Variants in CNTNAP2 observed in about 807,000 individuals in gnomAD.
CNTNAP2 encodes contactin-associated protein-like 2.
Under a neutral mutation model 155.2 loss-of-function variants are expected in CNTNAP2, and 98 were observed. The ratio of observed to expected loss-of-function variants is 0.63; its 90% CI spans 0.54 to 0.75. CNTNAP2 has a LOEUF of 0.75. Ranked by LOEUF, CNTNAP2 falls within the 30% of genes least tolerant of loss-of-function variation. The pLI is 0.00. For synonymous variants in CNTNAP2, 651 were observed against 631.2 expected (o/e 1.03, Z -0.47); for missense variants, 1,727 against 1,688.1 (o/e 1.02, Z -0.40).
chr7:147,931,996 C>T (rs1363450017), intron 14 of CNTNAP2, among the ~76,000 whole-genome samples: 1 of 152,100 alleles, frequency 6.6e-6, no homozygotes, highest in East Asian at 1.9e-4. Context: ...GGCGATCCTC[C>T]TGCCTCAGCC....
intron 10 of CNTNAP2, among the ~76,000 whole-genome samples, chr7:147,438,764 T>G (rs1299495391): frequency 2.0e-5 from 3 of 152,040 alleles, no homozygotes; most frequent in Non-Finnish European, 4.4e-5. Context: ...TCAGTTTCAT[T>G]ACTTGTTACT....
chr7:146,763,056 G>A (rs184357261), intron 1 of CNTNAP2, among the ~76,000 whole-genome samples: 1 of 152,118 alleles, frequency 6.6e-6, no homozygotes, highest in East Asian at 1.9e-4. Flanking sequence ...TGCGATTTGG[G>A]TTGGGACACT....
At chr7:146,912,271 G>A (rs1366823120) in intron 3 of CNTNAP2, among the ~76,000 whole-genome samples, 1 of 149,948 alleles carries the variant, frequency 6.7e-6, no homozygotes. Context: ...AAAAATACAT[G>A]TAACCACAGT....
At chr7:146,477,946 A>C (rs974322430) in intron 1 of CNTNAP2, among the ~76,000 whole-genome samples, 1 of 152,158 alleles carries the variant, frequency 6.6e-6, no homozygotes, top group African/African-American at 2.4e-5. Flanking sequence ...ACGGCCCCTC[A>C]TAACACAAAA....
chr7:146,165,891 T>A (rs1798305589), intron 1 of CNTNAP2, among the ~76,000 whole-genome samples: 1 of 152,204 alleles, frequency 6.6e-6, no homozygotes, highest in African/African-American at 2.4e-5. Flanking sequence ...TTTAATGGTA[T>A]ATCAACCCTT....
intron 4 of CNTNAP2, among the ~76,000 whole-genome samples, chr7:147,049,995 TACTTCCTG>T (rs1321682299): frequency 1.3e-5 from 2 of 152,218 alleles, no homozygotes; most frequent in Admixed American, 1.3e-4. Context: ...CTATTGTTCC[TACTTCCTG>T]ACTTGTCTTG....
chr7:147,342,338 A>G (rs1023178903), intron 9 of CNTNAP2, among the ~76,000 whole-genome samples: 3 of 127,268 alleles, frequency 2.4e-5, no homozygotes, highest in Non-Finnish European at 5.3e-5. Flanking sequence ...TCTTTGATCA[A>G]AGAAAAAATA....
At chr7:146,288,793 A>ATTTTTTTTTTTTTTT (rs757136036) in intron 1 of CNTNAP2, among the ~76,000 whole-genome samples, 2 of 100,016 alleles carry the variant, frequency 2.0e-5, no homozygotes, top group Non-Finnish European at 3.7e-5. Context: ...AAAATTAGTA[A>ATTTTTTTTTTTTTTT]TTTTTTTTTT....
chr7:147,564,705 G>A (rs1800133849), intron 12 of CNTNAP2, among the ~76,000 whole-genome samples: 1 of 152,162 alleles, frequency 6.6e-6, no homozygotes, highest in African/African-American at 2.4e-5. Context: ...CTTCTCCTGT[G>A]CATTGAACCC....
chr7:148,330,034 AATGGATGAAAGACATGGAAGGAATGT>A (rs1797957919), intron 21 of CNTNAP2, among the ~76,000 whole-genome samples: 1 of 152,222 alleles, frequency 6.6e-6, no homozygotes, highest in Admixed American at 6.5e-5. Flanking sequence ...TTGAGACACA[AATGGATGAAAGACATGGAAGGAATGT>A]ATGGATGGAA....
intron 16 of CNTNAP2, among the ~76,000 whole-genome samples, chr7:148,129,183 G>A (rs765080326): frequency 1.3e-5 from 2 of 152,144 alleles, no homozygotes; most frequent in Non-Finnish European, 2.9e-5. Context: ...CCTCACTAGA[G>A]ATCTGGTGTC....
chr7:147,309,738 A>C (rs1393475228), intron 9 of CNTNAP2, among the ~76,000 whole-genome samples: 1 of 152,068 alleles, frequency 6.6e-6, no homozygotes. Context: ...CACTTTTTTT[A>C]ACTTTTATTT....
Position 146,806,681 on chromosome 7 carries a change from C to T in CNTNAP2, c.208+32300C>T, listed in dbSNP as rs181961556. 2.4e-4 allele frequency among the ~76,000 whole-genome samples: 37 copies of T among 152,224 alleles called. No individual in the cohort carries two copies. The East Asian group carries it at 7.1e-3, about 29-fold the overall frequency. On this transcript the variant is annotated intron_variant, in intron 2 of 23. Transcript: ENST00000361727. ...GTTCTCAAGTTTGATTTTATCTAAT[C>T]TATAGAGAGTTGGTATTCTGCCATG... is the stretch of plus-strand genomic sequence containing the variant.
intron 13 of CNTNAP2, among the ~76,000 whole-genome samples, chr7:147,859,605 G>C (rs559184104): frequency 5.3e-4 from 80 of 152,212 alleles, no homozygotes; most frequent in African/African-American, 1.8e-3. Flanking sequence ...CTAGAGTTCA[G>C]ATATTATCTT....
intron 17 of CNTNAP2, among the ~76,000 whole-genome samples, chr7:148,155,979 C>T (rs968162085): frequency 3.3e-5 from 5 of 152,156 alleles, no homozygotes; most frequent in African/African-American, 9.7e-5. Context: ...CGTGCAATAC[C>T]GGCCCCTTGT....
intron 1 of CNTNAP2, among the ~76,000 whole-genome samples, chr7:146,127,147 A>T (rs1797649422): frequency 6.6e-6 from 1 of 152,152 alleles, no homozygotes; most frequent in African/African-American, 2.4e-5. Flanking sequence ...CTAACACAAC[A>T]TGCTGTTTCG....
chr7:148,006,316 CTTT>C (rs68011639), intron 15 of CNTNAP2, among the ~76,000 whole-genome samples: 9 of 118,992 alleles, frequency 7.6e-5, no homozygotes, highest in African/African-American at 2.7e-4. Context: ...ATAGGAAGTT[CTTT>C]TTTTTTTTTT....
At chr7:146,901,103 A>T (rs1175888959) in intron 3 of CNTNAP2, among the ~76,000 whole-genome samples, 1 of 152,020 alleles carries the variant, frequency 6.6e-6, no homozygotes, top group Non-Finnish European at 1.5e-5. Flanking sequence ...GGTAAAACAA[A>T]AGCTATTTTT....
At chr7:147,085,696 G>T (rs1584829640) in intron 4 of CNTNAP2, 1 of 152,280 alleles carries the variant, frequency 6.6e-6, no homozygotes, top group Admixed American at 6.5e-5. Context: ...GTGTTACCTG[G>T]CCAATTCTTC....
Sources: allele counts gnomAD v4.1 joint callset (sites outside exome capture counted in the v4.1 genomes callset), GRCh38; gene constraint gnomAD v4.1.1; transcripts MANE v1.5; gene names NCBI Gene and HGNC (gene_info 2026-07-23, HGNC 2026-07-21).